The following MLLT10 variants were observed in gnomAD, a reference collection of about 807,000 sequenced individuals.
MLLT10 encodes protein AF-10.
Under a neutral mutation model 129.1 loss-of-function variants are expected in MLLT10, and 30 were observed. The ratio of observed to expected loss-of-function variants is 0.23; its 90% CI spans 0.17 to 0.32. MLLT10 has a LOEUF of 0.32. Ranked by LOEUF, MLLT10 falls within the 10% of genes least tolerant of loss-of-function variation. The pLI is 1.00. For synonymous variants in MLLT10, 490 were observed against 446.4 expected, an observed-to-expected ratio of 1.10 and a Z score of -1.23; for missense variants, 1,119 against 1,268.3, an observed-to-expected ratio of 0.88 and a Z score of 1.79.
intron 15 of MLLT10, among the ~76,000 whole-genome samples, chr10:21,727,573 C>A (rs529206531): frequency 6.6e-6 from 1 of 152,080 alleles, no homozygotes; most frequent in Non-Finnish European, 1.5e-5. Flanking sequence ...GGGGAGGGTA[C>A]AGCAAATGCA....
intron 14 of MLLT10, among the ~76,000 whole-genome samples, chr10:21,717,677 T>TTTCTTC (rs2056764400): frequency 5.1e-5 from 1 of 19,558 alleles, no homozygotes; most frequent in African/African-American, 2.2e-4. Flanking sequence ...CCTCCTCCTC[T>TTTCTTC]TCCTCCTCCT....
At chr10:21,534,947 G>T (rs1358234880) in intron 2 of MLLT10, 143 bp downstream of exon 2, 4 of 341,868 alleles carry the variant, frequency 1.2e-5, no homozygotes, top group African/African-American at 2.2e-5. Context: ...GGGCGCGGGG[G>T]GTGTGGGCCG....
intron 3 of MLLT10, among the ~76,000 whole-genome samples, chr10:21,563,222 T>C (rs542889899): frequency 3.9e-5 from 6 of 152,188 alleles, no homozygotes; most frequent in South Asian, 2.1e-4. Context: ...AATGGGATGA[T>C]AGAACTTGTA....
chr10:21,626,101 C>T, intron 8 of MLLT10: 3 of 1,608,710 alleles, frequency 1.9e-6, no homozygotes, highest in Non-Finnish European at 2.6e-6. Flanking sequence ...ACTCTTGCAC[C>T]TAGCTCCCCT....
chr10:21,655,364 C>A (rs1178645396), intron 9 of MLLT10, among the ~76,000 whole-genome samples: 1 of 152,150 alleles, frequency 6.6e-6, no homozygotes, highest in Non-Finnish European at 1.5e-5. Context: ...CATACTGGCT[C>A]TTTTTAATAC....
intron 13 of MLLT10, among the ~76,000 whole-genome samples, chr10:21,703,358 A>C (rs1026873173): frequency 1.3e-5 from 2 of 151,736 alleles, no homozygotes; most frequent in African/African-American, 4.9e-5. Context: ...ATTTCTGCTG[A>C]GAAATCTGTT....
chr10:21,591,370 G>T (rs944299357), intron 4 of MLLT10, among the ~76,000 whole-genome samples: 1 of 152,128 alleles, frequency 6.6e-6, no homozygotes, highest in South Asian at 2.1e-4. Context: ...TTGCCATTCC[G>T]TTCAAGACAT....
chr10:21,570,749 C>T (rs1000002550), intron 3 of MLLT10, among the ~76,000 whole-genome samples: 2 of 152,048 alleles, frequency 1.3e-5, no homozygotes, highest in Non-Finnish European at 2.9e-5. Flanking sequence ...GCCTTCTGAT[C>T]ATATGAAATA....
rs1307505202 is a variant in MLLT10 at position 21,625,232 on chromosome 10, G to A, written c.699+8025G>A. 20 of 1,458,382 alleles carry A rather than the reference G, an allele frequency of 1.4e-5. No individual in the cohort carries two copies. The East Asian group carries it at 1.8e-4, about 13-fold the overall frequency. The allele number at this position is 1,458,382 out of a possible 1,614,324, so 90.3% of individuals were successfully genotyped here. ...TTGGCGCTCTTTCCTTTTCTTGTCT[G>A]GTGCCTTGGCTAAGACTATTTCAAG... On this transcript the variant is annotated intron_variant, in intron 8 of 22. Transcript: ENST00000307729.
chr10:21,633,183 T>C (rs1406704933), intron 8 of MLLT10, among the ~76,000 whole-genome samples: 1 of 152,238 alleles, frequency 6.6e-6, no homozygotes, highest in Non-Finnish European at 1.5e-5. Flanking sequence ...TTTTAGTGCT[T>C]ACCTCATAGA....
chr10:21,583,689 A>G (rs1269222169), intron 3 of MLLT10, among the ~76,000 whole-genome samples: 6 of 152,052 alleles, frequency 3.9e-5, no homozygotes, highest in Non-Finnish European at 7.4e-5. Flanking sequence ...TACCAATCAG[A>G]TCTCACATGA....
intron 8 of MLLT10, chr10:21,625,186 T>A: frequency 6.7e-7 from 1 of 1,485,088 alleles, no homozygotes. Context: ...ATGCAGTGCT[T>A]CTGGAGGCCT....
intron 3 of MLLT10, among the ~76,000 whole-genome samples, chr10:21,554,321 C>T (rs2037561187): frequency 6.6e-6 from 1 of 152,170 alleles, no homozygotes; most frequent in Admixed American, 6.6e-5. Context: ...CAACTCTTCA[C>T]TTAAAAATTT....
rs749216549 is a variant in MLLT10 at position 21,625,361 on chromosome 10, C to G, written c.699+8154C>G. ...TGCATAATCTTTCAACTTATTTACT[C>G]TTTGGAGTTCTCCAAATTCAGAAAA... is the stretch of plus-strand genomic sequence containing the variant. On this transcript the variant is annotated intron_variant, in intron 8 of 22. Transcript: ENST00000307729. 41 of 766,964 alleles carry G rather than the reference C, an allele frequency of 5.3e-5. 1 individual carries two copies. The highest frequency in any genetic ancestry group is 8.6e-5 in the Non-Finnish European group (37 of 429,934). The allele number at this position is 766,964 out of a possible 1,614,324, so 47.5% of individuals were successfully genotyped here. A position where few individuals can be genotyped will look rare whatever the true frequency, so the allele number is the denominator to read the frequency against.
At chr10:21,709,068 A>G (rs2055819453) in intron 13 of MLLT10, among the ~76,000 whole-genome samples, 1 of 152,204 alleles carries the variant, frequency 6.6e-6, no homozygotes, top group South Asian at 2.1e-4. Flanking sequence ...TGTAGGTGAC[A>G]GATCCAGCAT....
At position 21,588,041 on chromosome 10, in the gene MLLT10, GT is replaced by G. The variant is rs1231856398; in HGVS notation, c.295+1701del. ...ATTTATTTCACTGAACAATTTATCT[GT>G]TTTTTTTGAGACTTTGCTTTTCTTT... is the stretch of plus-strand genomic sequence containing the variant. On this transcript the variant is annotated intron_variant, in intron 4 of 22. Transcript: ENST00000307729. 2.0e-5 allele frequency among the ~76,000 whole-genome samples: 3 copies of G among 151,792 alleles called. No homozygotes were observed. In the South Asian group the frequency reaches 6.2e-4, roughly 32 times the overall value.
In MLLT10 at chr10:21,608,326, C is replaced by T. The variant is rs181437374; in HGVS notation, c.406-4022C>T. Among the ~76,000 whole-genome samples the T allele has an allele frequency of 9.2e-5, 14 of 151,766 alleles. No homozygotes were observed. The East Asian group carries it at 1.4e-3, about 15-fold the overall frequency. On this transcript the variant is annotated intron_variant, in intron 5 of 22. Coordinates refer to ENST00000307729, the MANE Select transcript of MLLT10 (RefSeq NM_001195626.3). ...CTGGGACTACAGGCTTGCACCATCA[C>T]GCCTGGATAATTTTTTTCTTTTTTT... is the stretch of plus-strand genomic sequence containing the variant.
rs2131510934 is a variant in MLLT10 at position 21,712,187 on chromosome 10, T to C, written c.1700-1585T>C. On this transcript the variant is annotated intron_variant, in intron 13 of 22. Coordinates refer to ENST00000307729, the MANE Select transcript of MLLT10 (RefSeq NM_001195626.3). ...AGATTCTAGGTGCTTTAATTTATTA[T>C]ATAAGTCAATAACTTCATTTATTTA... Among the ~76,000 whole-genome samples, 5 of 126,334 alleles carry C rather than the reference T, an allele frequency of 4.0e-5. No individual in the cohort carries two copies. In the South Asian group the frequency reaches 1.3e-3, roughly 33 times the overall value. 82.9% of individuals were successfully genotyped at this position (126,334 alleles called of 152,430 possible).
At chr10:21,552,942 A>G (rs1181878780) in intron 3 of MLLT10, among the ~76,000 whole-genome samples, 1 of 149,710 alleles carries the variant, frequency 6.7e-6, no homozygotes, top group Non-Finnish European at 1.5e-5. Flanking sequence ...TAAACCAGGG[A>G]CCTTCTTCTG....
Sources: allele counts gnomAD v4.1 joint callset (sites outside exome capture counted in the v4.1 genomes callset), GRCh38; gene constraint gnomAD v4.1.1; transcripts MANE v1.5; gene names NCBI Gene and HGNC (gene_info 2026-07-23, HGNC 2026-07-21).